Variants in LRP1B observed in about 807,000 individuals in gnomAD.
LRP1B encodes the protein low-density lipoprotein receptor-related protein 1B.
LRP1B carries 217 observed loss-of-function variants against 556.6 expected under a neutral mutation model. That is an observed-to-expected ratio of 0.39 (90% CI 0.35 to 0.44). LRP1B has a LOEUF of 0.44. Ranked by LOEUF, LRP1B falls within the 20% of genes least tolerant of loss-of-function variation. The probability of loss-of-function intolerance (pLI) is 1.00; values close to 1 mark genes in which losing one functional copy is unlikely to be tolerated. For missense variants in LRP1B, 5,053 were observed against 5,620.8 expected (o/e 0.90, Z 3.23); for synonymous variants, 2,047 against 1,865.8 (o/e 1.10, Z -2.50).
chr2:140,611,035 T>C (rs532934964), intron 41 of LRP1B, among the ~76,000 whole-genome samples: 200 of 152,298 alleles, frequency 1.3e-3, no homozygotes, highest in African/African-American at 4.6e-3. Context: ...GTTGTTATTA[T>C]TATTACATTG....
At chr2:140,733,755 T>C (rs1391176497) in intron 35 of LRP1B, among the ~76,000 whole-genome samples, 1 of 152,158 alleles carries the variant, frequency 6.6e-6, no homozygotes, top group African/African-American at 2.4e-5. Context: ...ATAGAAATAG[T>C]CCATTTATTG....
At position 140,485,624 on chromosome 2, in the gene LRP1B, AT is replaced by A; in HGVS notation, c.9244-101del. 3.8e-6 allele frequency: 3 copies of A among 785,744 alleles called. No individual in the cohort carries two copies. In the Admixed American group the frequency reaches 9.4e-5, roughly 25 times the overall value. 48.7% of individuals were successfully genotyped at this position (785,744 alleles called of 1,614,324 possible). A position where few individuals can be genotyped will look rare whatever the true frequency, so the allele number is the denominator to read the frequency against. On this transcript the variant is annotated intron_variant, in intron 58 of 90. Coordinates refer to ENST00000389484, the MANE Select transcript of LRP1B (RefSeq NM_018557.3). ...TACAGAGATATAGAATTCCATTTAA[AT>A]GTAAAGAATGGAACTTAGATAAGAA...
chr2:141,029,730 C>A (rs187922093), intron 11 of LRP1B, among the ~76,000 whole-genome samples: 9 of 152,100 alleles, frequency 5.9e-5, no homozygotes, highest in Non-Finnish European at 8.8e-5. Flanking sequence ...GAGCAATAAA[C>A]TTCCTAAGTC....
intron 3 of LRP1B, among the ~76,000 whole-genome samples, chr2:141,366,908 G>A (rs921372157): frequency 1.3e-5 from 2 of 152,220 alleles, no homozygotes; most frequent in South Asian, 2.1e-4. Context: ...CATTCAGTTC[G>A]TTTACCTTTT....
intron 1 of LRP1B, among the ~76,000 whole-genome samples, chr2:141,932,224 GATC>G (rs1464051607): frequency 6.6e-5 from 10 of 152,084 alleles, no homozygotes; most frequent in East Asian, 1.9e-4. Context: ...GAGTGTATCA[GATC>G]ATCAACTCCC....
At chr2:141,675,414 T>C (rs1690837719) in intron 2 of LRP1B, among the ~76,000 whole-genome samples, 1 of 151,884 alleles carries the variant, frequency 6.6e-6, no homozygotes, top group Non-Finnish European at 1.5e-5. Flanking sequence ...TACAATTTTA[T>C]ATAGGCCATA....
chr2:140,994,086 G>A lies in LRP1B; in HGVS notation c.2553C>T (p.Arg851=), dbSNP rs777310943. The part of the protein sequence containing the change: ...LPHICKAGEF[R]CKNRHCIQAR... ...CTTGGATACAGTGTCTGTTTTTGCAGCGAAACTCTCCAGCTTTACATATGT... is the reference window on the plus strand; with the variant it reads ...CTTGGATACAGTGTCTGTTTTTGCAACGAAACTCTCCAGCTTTACATATGT... Residue 851 remains arginine (R), a synonymous_variant, in exon 16 of 91, where the codon CGC becomes CGT. Transcript: ENST00000389484. 1.2e-6 allele frequency: 2 copies of A among 1,612,674 alleles called. No individual in the cohort carries two copies. The highest frequency in any genetic ancestry group is 2.2e-5 in the South Asian group (2 of 91,048).
chr2:140,534,198 A>G lies in LRP1B; in HGVS notation c.7643-58T>C. ...GATCATATAGAAATATTTGTACAAA[A>G]TGAAAATCACAGATAATATTTCATT... On this transcript the variant is annotated intron_variant, in intron 46 of 90. Coordinates refer to ENST00000389484, the MANE Select transcript of LRP1B (RefSeq NM_018557.3). 6 of 1,479,770 alleles carry G rather than the reference A, an allele frequency of 4.1e-6. No homozygotes were observed. In the Admixed American group the frequency reaches 5.6e-5, roughly 14 times the overall value. The allele number at this position is 1,479,770 out of a possible 1,614,324, so 91.7% of individuals were successfully genotyped here.
chr2:140,840,139 A>T, intron 30 of LRP1B, 54 bp from the exon 31 acceptor site: 1 of 990,556 alleles, frequency 1.0e-6, no homozygotes, highest in Non-Finnish European at 1.5e-6. Flanking sequence ...CTACTCACTG[A>T]GAAGAAATAT....
intron 48 of LRP1B, 108 bp downstream of exon 48, chr2:140,526,129 T>G: frequency 7.4e-7 from 1 of 1,350,896 alleles, no homozygotes; most frequent in African/African-American, 1.4e-5. Flanking sequence ...CAACAGGGGT[T>G]AATTACATAC....
intron 35 of LRP1B, among the ~76,000 whole-genome samples, chr2:140,755,033 G>A (rs1341417948): frequency 6.8e-6 from 1 of 146,108 alleles, no homozygotes; most frequent in Non-Finnish European, 1.5e-5. Context: ...GAAATATAAG[G>A]GAATACCATG....
chr2:141,295,790 C>CAT (rs1491431849), intron 3 of LRP1B, among the ~76,000 whole-genome samples: 3 of 141,306 alleles, frequency 2.1e-5, no homozygotes, highest in East Asian at 4.0e-4. Flanking sequence ...CACACACACA[C>CAT]ATAACAGTGG....
At chr2:141,173,565 A>T (rs1400458660) in intron 7 of LRP1B, among the ~76,000 whole-genome samples, 3 of 152,074 alleles carry the variant, frequency 2.0e-5, no homozygotes, top group Admixed American at 2.0e-4. Flanking sequence ...GCTCTTTCAG[A>T]CTTAAGTGAT....
intron 1 of LRP1B, among the ~76,000 whole-genome samples, chr2:141,919,222 T>C (rs1700116247): frequency 6.6e-6 from 1 of 152,010 alleles, no homozygotes; most frequent in African/African-American, 2.4e-5. Flanking sequence ...TAAAGAGAAA[T>C]AGAGATGGCT....
At chr2:140,836,431 T>C (rs558116512) in intron 31 of LRP1B, among the ~76,000 whole-genome samples, 3 of 152,342 alleles carry the variant, frequency 2.0e-5, no homozygotes, top group African/African-American at 7.2e-5. Context: ...AAGAATGTTT[T>C]ATGTGTATGT....
chr2:141,169,666 G>T (rs1334225576), intron 7 of LRP1B, among the ~76,000 whole-genome samples: 1 of 151,856 alleles, frequency 6.6e-6, no homozygotes, highest in African/African-American at 2.4e-5. Flanking sequence ...ATCACTTAAT[G>T]TATCAAAATG....
chr2:140,655,016 G>C (rs1684825913), intron 41 of LRP1B, among the ~76,000 whole-genome samples: 1 of 144,820 alleles, frequency 6.9e-6, no homozygotes, highest in Non-Finnish European at 1.5e-5. Context: ...AGAGAAATTT[G>C]TATGGGTATA....
chr2:141,762,407 T>C (rs72847471), intron 2 of LRP1B, among the ~76,000 whole-genome samples: 13,833 of 152,120 alleles, frequency 0.091, 686 homozygotes, highest in Non-Finnish European at 0.1. Context: ...CTGCAGATAC[T>C]TCCCATAGGA....
chr2:140,989,665 G>A lies in LRP1B; in HGVS notation c.2645-8C>T, dbSNP rs2105353131. The stretch of plus-strand genomic sequence containing the variant: ...CAGGACAGCTATGATTGACTGGGAG[G>A]GAGGGGGAAGCAAGATTAATTATTT... On this transcript the variant is annotated splice_polypyrimidine_tract_variant and splice_region_variant and intron_variant, in intron 16 of 90. Coordinates refer to ENST00000389484, the MANE Select transcript of LRP1B (RefSeq NM_018557.3). 1 of 1,611,456 alleles carries A rather than the reference G, an allele frequency of 6.2e-7. No individual in the cohort carries two copies. The highest frequency in any genetic ancestry group is 1.1e-5 in the South Asian group (1 of 90,874).
Sources: allele counts gnomAD v4.1 joint callset (sites outside exome capture counted in the v4.1 genomes callset), GRCh38; gene constraint gnomAD v4.1.1; transcripts MANE v1.5; gene names NCBI Gene and HGNC (gene_info 2026-07-23, HGNC 2026-07-21).